DHRSX: variants seen among roughly 807,000 people sequenced by gnomAD.
DHRSX encodes the protein dehydrogenase/reductase X-linked, also known as polyprenol dehydrogenase.
Under a neutral mutation model 34.0 loss-of-function variants are expected in DHRSX, and 31 were observed. That is an observed-to-expected ratio of 0.91 (90% CI 0.69 to 1.23). DHRSX has a LOEUF of 1.23. DHRSX is among the 50% of genes most tolerant of loss of function. The pLI is 0.00. For synonymous variants in DHRSX, 201 were observed against 183.8 expected, an observed-to-expected ratio of 1.09 and a Z score of -0.76; for missense variants, 414 against 428.1, an observed-to-expected ratio of 0.97 and a Z score of 0.29.
intron 1 of DHRSX, among the ~76,000 whole-genome samples, chrX:2,450,954 C>T (rs1358461956): frequency 6.6e-6 from 1 of 152,004 alleles, no homozygotes; most frequent in Non-Finnish European, 1.5e-5. Context: ...AGAGCTCCCT[C>T]GCCCCTTCCA....
chrX:2,399,739 AAAAC>A lies in DHRSX; in HGVS notation c.286+9002_286+9005del, dbSNP rs1294820216. Among the ~76,000 whole-genome samples, 10 of 144,778 alleles carry A rather than the reference AAAAC, an allele frequency of 6.9e-5. 1 individual carries two copies. Among genetic ancestry groups the A allele is most frequent in the Admixed American group, 4.9e-4 (7 of 14,342 alleles). The allele number at this position is 144,778 out of a possible 152,430, so 95.0% of individuals were successfully genotyped here. ...CAAACAAAAAGCAAAAAAAAAAAAA[AAAAC>A]AAAAAAACACAGGGGCTGAGCTTGG... On this transcript the variant is annotated intron_variant, in intron 3 of 6. Coordinates refer to ENST00000334651, the MANE Select transcript of DHRSX (RefSeq NM_145177.3).
At chrX:2,371,196 GT>G (rs1463832201) in intron 3 of DHRSX, among the ~76,000 whole-genome samples, 4 of 126,490 alleles carry the variant, frequency 3.2e-5, no homozygotes, top group African/African-American at 9.4e-5. Flanking sequence ...ACCCTCCTCC[GT>G]TACCACAGTC....
chrX:2,292,311 T>A (rs891258114), intron 3 of DHRSX, among the ~76,000 whole-genome samples: 2 of 152,182 alleles, frequency 1.3e-5, no homozygotes, highest in African/African-American at 4.8e-5. Context: ...AGGAATTGGA[T>A]TCTGCGTATA....
chrX:2,345,071 C>G (rs1432812355), intron 3 of DHRSX, among the ~76,000 whole-genome samples: 1 of 151,672 alleles, frequency 6.6e-6, no homozygotes, highest in African/African-American at 2.4e-5. Flanking sequence ...ACATACACAC[C>G]TGATCACAAG....
chrX:2,321,783 G>A (rs2042314869), intron 3 of DHRSX, among the ~76,000 whole-genome samples: 1 of 151,934 alleles, frequency 6.6e-6, no homozygotes, highest in South Asian at 2.1e-4. Flanking sequence ...CACTTCTACG[G>A]GCATTTTCTT....
intron 3 of DHRSX, among the ~76,000 whole-genome samples, chrX:2,373,285 G>A (rs898139237): frequency 1.3e-5 from 2 of 152,138 alleles, no homozygotes; most frequent in Non-Finnish European, 2.9e-5. Context: ...ATGTGGGTGG[G>A]GACACAGCCA....
chrX:2,343,846 G>A (rs1054889992), intron 3 of DHRSX, among the ~76,000 whole-genome samples: 11 of 152,168 alleles, frequency 7.2e-5, no homozygotes, highest in Non-Finnish European at 1.5e-4. Flanking sequence ...TTGGTGAAGT[G>A]TATTAGTATG....
chrX:2,465,809 C>CAAAAAAAAAAAAAAAAAA (rs375728172), intron 1 of DHRSX, among the ~76,000 whole-genome samples: 1 of 84,730 alleles, frequency 1.2e-5, no homozygotes, highest in African/African-American at 4.5e-5. Context: ...AACTCCATCG[C>CAAAAAAAAAAAAAAAAAA]AAAAAAAAAA....
At chrX:2,491,989 T>C (rs905594231) in intron 1 of DHRSX, among the ~76,000 whole-genome samples, 2 of 152,170 alleles carry the variant, frequency 1.3e-5, no homozygotes, top group Non-Finnish European at 2.9e-5. Flanking sequence ...AAGGTGTAAT[T>C]GTGTCTCCAA....
chrX:2,448,932 T>C (rs1162020974), intron 1 of DHRSX, among the ~76,000 whole-genome samples: 1 of 152,156 alleles, frequency 6.6e-6, no homozygotes, highest in African/African-American at 2.4e-5. Flanking sequence ...CTCACGCCTG[T>C]CATCCCAGCA....
At chrX:2,284,404 TTGAATGAA>T (rs750399883) in intron 4 of DHRSX, among the ~76,000 whole-genome samples, 2,276 of 151,294 alleles carry the variant, frequency 0.015, 54 homozygotes, top group African/African-American at 0.05. Flanking sequence ...ATGAATGAAT[TTGAATGAA>T]TGAATGAATG....
intron 3 of DHRSX, among the ~76,000 whole-genome samples, chrX:2,330,475 C>T (rs1419238084): frequency 4.8e-5 from 7 of 145,630 alleles, no homozygotes; most frequent in African/African-American, 7.6e-5. Flanking sequence ...GAGCTGAGAT[C>T]GCGCCACGGC....
intron 1 of DHRSX, among the ~76,000 whole-genome samples, chrX:2,448,690 G>A (rs1042645550): frequency 6.6e-6 from 1 of 152,112 alleles, no homozygotes; most frequent in Non-Finnish European, 1.5e-5. Flanking sequence ...TCATATATAT[G>A]TATACGATTA....
At chrX:2,391,008 A>G (rs1357194058) in intron 3 of DHRSX, among the ~76,000 whole-genome samples, 1 of 152,208 alleles carries the variant, frequency 6.6e-6, no homozygotes, top group Admixed American at 6.5e-5. Flanking sequence ...ATGGCTGCGT[A>G]ATATTCCACC....
intron 1 of DHRSX, among the ~76,000 whole-genome samples, chrX:2,491,396 CTTG>C (rs1380942890): frequency 1.3e-5 from 2 of 152,114 alleles, no homozygotes; most frequent in African/African-American, 4.8e-5. Flanking sequence ...ATCGCAGGGG[CTTG>C]TTGTTCCTGT....
intron 3 of DHRSX, among the ~76,000 whole-genome samples, chrX:2,387,550 T>C (rs7052525): frequency 0.72 from 109,525 of 151,662 alleles, 39,704 homozygotes; most frequent in East Asian, 0.78. Context: ...AGTCTTTTCA[T>C]GTTTTTCTGC....
intron 1 of DHRSX, among the ~76,000 whole-genome samples, chrX:2,453,946 T>C (rs1450233559): frequency 6.6e-6 from 1 of 152,168 alleles, no homozygotes; most frequent in Non-Finnish European, 1.5e-5. Context: ...TAATTAACTT[T>C]ATTGTTAATA....
intron 6 of DHRSX, among the ~76,000 whole-genome samples, chrX:2,222,299 C>G: frequency 6.6e-6 from 1 of 152,204 alleles, no homozygotes; most frequent in East Asian, 1.9e-4. Flanking sequence ...CAGATTCAAC[C>G]TCCAGTTCCT....
intron 6 of DHRSX, among the ~76,000 whole-genome samples, chrX:2,237,449 G>C (rs1348714858): frequency 6.6e-6 from 1 of 152,060 alleles, no homozygotes; most frequent in Non-Finnish European, 1.5e-5. Flanking sequence ...GTCAGGACTT[G>C]CTGGACATGA....
Sources: allele counts gnomAD v4.1 joint callset (sites outside exome capture counted in the v4.1 genomes callset), GRCh38; gene constraint gnomAD v4.1.1; transcripts MANE v1.5; gene names NCBI Gene and HGNC (gene_info 2026-07-23, HGNC 2026-07-21).